LRP1: variants seen among roughly 807,000 people sequenced by gnomAD.
LRP1 encodes prolow-density lipoprotein receptor-related protein 1.
Under a neutral mutation model 541.5 loss-of-function variants are expected in LRP1, and 51 were observed. That is an observed-to-expected ratio of 0.09 (90% CI 0.08 to 0.12). The LOEUF (loss-of-function observed/expected upper bound fraction) is 0.12. Among genes scored for constraint, LRP1 ranks in the 10% least tolerant of loss-of-function variants. LRP1 has a pLI of 1.00. For synonymous variants in LRP1, 2,219 were observed against 2,470.8 expected, an observed-to-expected ratio of 0.90 and a Z score of 3.02; for missense variants, 3,878 against 6,376.2, an observed-to-expected ratio of 0.61 and a Z score of 13.34.
Position 57,173,098 on chromosome 12 carries a change from G to C in LRP1, c.3164-70G>C. Reference sequence around the variant, plus strand: ...CCAGGCTGGGCTTACCGGGGTGGCAGGGCACAGGGATGAGGAGGGCTGACC... The same window carrying C: ...CCAGGCTGGGCTTACCGGGGTGGCACGGCACAGGGATGAGGAGGGCTGACC... On this transcript the variant is annotated intron_variant, in intron 20 of 88. Transcript: ENST00000243077. The surrounding 1 kb of genome is among the most constrained non-coding windows in gnomAD (Gnocchi z 4.7). 1 of 1,343,692 alleles carries C rather than the reference G, an allele frequency of 7.4e-7. No homozygotes were observed. Among genetic ancestry groups the C allele is most frequent in the Non-Finnish European group, 1.0e-6 (1 of 981,842 alleles). The allele number at this position is 1,343,692 out of a possible 1,614,324, so 83.2% of individuals were successfully genotyped here.
At position 57,165,787 on chromosome 12, in the gene LRP1, A is replaced by T; in HGVS notation, c.2531-18A>T. On this transcript the variant is annotated intron_variant, in intron 15 of 88. Transcript: ENST00000243077. The surrounding 1 kb of genome is among the most constrained non-coding windows in gnomAD (Gnocchi z 4.5). ...CCGGGGTCTGACTTTCCCCCTCACG[A>T]TCCTGTGGTGCCCACAGCGAACCCA... 6.2e-7 allele frequency: 1 copy of T among 1,611,234 alleles called. No homozygotes were observed.
In LRP1 at chr12:57,210,057, C is replaced by G; in HGVS notation, c.12468C>G (p.Cys4156Trp). 1 of 1,612,016 alleles carries G rather than the reference C, an allele frequency of 6.2e-7. No homozygotes were observed. The highest frequency in any genetic ancestry group is 8.5e-7 in the Non-Finnish European group (1 of 1,178,970). ...EVTNPCDRKK[C>W]EWLCLLSPSG... ...CCAACCCATGTGACCGCAAGAAATG[C>G]GAGTGGCTCTGCCTGCTGAGCCCCA... Residue 4156 changes from cysteine (C) to tryptophan (W), a missense_variant, in exon 81 of 89, where the codon TGC (cysteine) becomes TGG (tryptophan). By Grantham distance (215) the Cys-to-Trp change is radical. Transcript: ENST00000243077.
intron 44 of LRP1, 93 bp from the exon 45 acceptor site, chr12:57,192,752 G>A: frequency 6.5e-6 from 10 of 1,539,168 alleles, no homozygotes; most frequent in Non-Finnish European, 8.9e-6. Flanking sequence ...AGGCTTGGGA[G>A]CTCCATGAAG....
intron 22 of LRP1, among the ~76,000 whole-genome samples, chr12:57,174,245 C>A (rs1310624533): frequency 6.6e-6 from 1 of 152,192 alleles, no homozygotes; most frequent in Non-Finnish European, 1.5e-5. Context: ...CAGATGGGAG[C>A]ACTGAGGCAT....
At chr12:57,209,636 C>T (rs1427758647) in intron 79 of LRP1, 56 bp from the exon 80 acceptor site, 11 of 1,501,192 alleles carry the variant, frequency 7.3e-6, no homozygotes, top group South Asian at 3.4e-5. Context: ...TCGTGGACAG[C>T]ATGGCCAGGG....
chr12:57,183,144 C>T lies in LRP1; in HGVS notation c.5663-235C>T, dbSNP rs2036199888. 6.6e-6 allele frequency among the ~76,000 whole-genome samples: 1 copy of T among 152,030 alleles called. No individual in the cohort carries two copies. Among genetic ancestry groups the T allele is most frequent in the Admixed American group, 6.5e-5 (1 of 15,276 alleles). On this transcript the variant is annotated intron_variant, in intron 34 of 88. Transcript: ENST00000243077. This position sits in a 1 kb window ranked among gnomAD's most constrained non-coding sequence, Gnocchi z 6.1. ...GGTGAGAAATCCGAGTCTCTGCTGCCCTCTCATGGTGGCTAGGGGTCCTGC... is the reference window on the plus strand; with the variant it reads ...GGTGAGAAATCCGAGTCTCTGCTGCTCTCTCATGGTGGCTAGGGGTCCTGC...
chr12:57,204,604 C>G lies in LRP1; in HGVS notation c.11072-23C>G. On this transcript the variant is annotated intron_variant, in intron 71 of 88. Transcript: ENST00000243077. The surrounding 1 kb of genome is among the most constrained non-coding windows in gnomAD (Gnocchi z 5.3). Reference sequence around the variant, plus strand: ...CCCACTCCCAAGACTAATTCTGGCTCTGTGTCCCCCTGGCTGCTGCAGCCC... The same window carrying G: ...CCCACTCCCAAGACTAATTCTGGCTGTGTGTCCCCCTGGCTGCTGCAGCCC... 6.2e-7 allele frequency: 1 copy of G among 1,613,060 alleles called. No individual in the cohort carries two copies. The highest frequency in any genetic ancestry group is 8.5e-7 in the Non-Finnish European group (1 of 1,179,354).
intron 58 of LRP1, 46 bp from the exon 59 acceptor site, chr12:57,198,110 T>G (rs752759644): frequency 3.7e-5 from 57 of 1,539,536 alleles, no homozygotes; most frequent in Non-Finnish European, 4.9e-5. Context: ...TTGCAGGTCC[T>G]CCCCCAGGTC....
intron 52 of LRP1, 24 bp downstream of exon 52, chr12:57,195,423 C>T (rs757802785): frequency 5.6e-6 from 9 of 1,598,958 alleles, no homozygotes; most frequent in East Asian, 4.5e-5. Context: ...CCACGTGGAG[C>T]GGGTGGACAG....
chr12:57,206,397 C>G lies in LRP1; in HGVS notation c.11591-76C>G. 1 of 1,435,740 alleles carries G rather than the reference C, an allele frequency of 7.0e-7. No individual in the cohort carries two copies. Among genetic ancestry groups the G allele is most frequent in the Non-Finnish European group, 9.7e-7 (1 of 1,034,270 alleles). 88.9% of individuals were successfully genotyped at this position (1,435,740 alleles called of 1,614,324 possible). Reference sequence around the variant, plus strand: ...TCCTACCAGGAGATGGGACAGTGTTCATGTGAAAGGAGCTGAGCTGGGTGG... The same window carrying G: ...TCCTACCAGGAGATGGGACAGTGTTGATGTGAAAGGAGCTGAGCTGGGTGG... On this transcript the variant is annotated intron_variant, in intron 75 of 88. Transcript: ENST00000243077. This position sits in a 1 kb window ranked among gnomAD's most constrained non-coding sequence, Gnocchi z 4.7.
rs543193935 is a variant in LRP1 at position 57,156,694 on chromosome 12, G to A, written c.1418-83G>A. ...AAGCACAAAGACCACAGCAGCAGGG[G>A]GTGTGGTCAGATTCAGGAAGCCTTC... On this transcript the variant is annotated intron_variant, in intron 9 of 88. Transcript: ENST00000243077. This position sits in a 1 kb window ranked among gnomAD's most constrained non-coding sequence, Gnocchi z 5.2. 74 of 1,432,792 alleles carry A rather than the reference G, an allele frequency of 5.2e-5. 1 individual carries two copies. In the African/African-American group the frequency reaches 7.8e-4, roughly 15 times the overall value. 88.8% of individuals were successfully genotyped at this position (1,432,792 alleles called of 1,614,324 possible).
In LRP1 at chr12:57,205,630, G is replaced by C. The variant is rs1464807815; in HGVS notation, c.11543G>C (p.Ser3848Thr). The C allele has an allele frequency of 6.2e-7, 1 of 1,613,518 alleles. No homozygotes were observed. The highest frequency in any genetic ancestry group is 8.5e-7 in the Non-Finnish European group (1 of 1,180,038). The change falls in exon 75 of 89, where the codon AGC becomes ACC. Residue 3848 changes from serine to threonine, a missense_variant. Ser to Thr is a moderately conservative substitution (Grantham distance 58, BLOSUM62 1). Transcript: ENST00000243077. This position sits in a 1 kb window ranked among gnomAD's most constrained non-coding sequence, Gnocchi z 4.6. Reference protein sequence around the residue: ...CNNTKGGHLCSCARNFMKTHN... With the variant: ...CNNTKGGHLCTCARNFMKTHN... Reference sequence around the variant, plus strand: ...AACACCAAGGGCGGCCACCTCTGCAGCTGCGCTCGGAACTTCATGAAGACG... The same window carrying C: ...AACACCAAGGGCGGCCACCTCTGCACCTGCGCTCGGAACTTCATGAAGACG...
chr12:57,175,929 A>G lies in LRP1; in HGVS notation c.3814A>G (p.Ile1272Val), dbSNP rs897624306. 1.2e-6 allele frequency: 2 copies of G among 1,613,992 alleles called. No individual in the cohort carries two copies. Among genetic ancestry groups the G allele is most frequent in the African/African-American group, 2.7e-5 (2 of 74,984 alleles). ...CCCAGACCCCTTCAAGCCGTTCATC[A>G]TTTTCTCCAACCGCCATGAAATCCG... Reference protein sequence around the residue: ...RSLDPFKPFIIFSNRHEIRRI... With the variant: ...RSLDPFKPFIVFSNRHEIRRI... The change falls in exon 24 of 89, where the codon ATT becomes GTT. Residue 1272 changes from isoleucine to valine, a missense_variant. Ile to Val is a conservative substitution (Grantham distance 29, BLOSUM62 3). This residue lies in a region of LRP1 where 320 missense variants were observed against 547.9 expected (regional missense o/e 0.58). Coordinates refer to ENST00000243077, the MANE Select transcript of LRP1 (RefSeq NM_002332.3).
In LRP1 at chr12:57,128,859, G is replaced by C. The variant is rs1211984147; in HGVS notation, c.-106G>C. On this transcript the variant is annotated 5_prime_UTR_variant, in exon 1 of 89. Transcript: ENST00000243077. ...GAAGGAAAGAATAAGAACAGAGAAG[G>C]AGGAGGGGGAAAGGAGGAAAAGGGG... The C allele has an allele frequency of 1.1e-6, 1 of 932,062 alleles. No individual in the cohort carries two copies. The highest frequency in any genetic ancestry group is 1.6e-6 in the Non-Finnish European group (1 of 614,656). 57.7% of individuals were successfully genotyped at this position (932,062 alleles called of 1,614,324 possible).
rs147496817 is a variant in LRP1 at position 57,185,761 on chromosome 12, C to T, written c.6694C>T (p.His2232Tyr). Reference sequence around the variant, plus strand: ...CGTGCAGCCCTTCGAGGACCCTGAGCACATGAAGAACGTCATCGCCCTGGC... The same window carrying T: ...CGTGCAGCCCTTCGAGGACCCTGAGTACATGAAGAACGTCATCGCCCTGGC... Reference protein sequence around the residue: ...APVQPFEDPEHMKNVIALAFD... With the variant: ...APVQPFEDPEYMKNVIALAFD... The change falls in exon 41 of 89, where the codon CAC becomes TAC. Residue 2232 changes from histidine to tyrosine, a missense_variant. Physicochemically the swap from His to Tyr is moderately conservative, Grantham distance 83 (BLOSUM62 2). Coordinates refer to ENST00000243077, the MANE Select transcript of LRP1 (RefSeq NM_002332.3). This position sits in a 1 kb window ranked among gnomAD's most constrained non-coding sequence, Gnocchi z 4.9. The T allele has an allele frequency of 1.2e-6, 2 of 1,614,124 alleles. No individual in the cohort carries two copies. Among genetic ancestry groups the T allele is most frequent in the African/African-American group, 2.7e-5 (2 of 74,934 alleles).
In LRP1 at chr12:57,154,547, G is replaced by A. The variant is rs1310462634; in HGVS notation, c.1073G>A (p.Arg358His). 2.5e-6 allele frequency: 4 copies of A among 1,614,194 alleles called. No individual in the cohort carries two copies. The highest frequency in any genetic ancestry group is 1.3e-5 in the African/African-American group (1 of 75,052). ...CGCTGTGACATGGATGGGCAGAACC[G>A]CACCAAGCTCGTCGACAGCAAGATT... ...VERCDMDGQNRTKLVDSKIVF... is the reference protein window; with the variant it reads ...VERCDMDGQNHTKLVDSKIVF... Residue 358 changes from arginine (R) to histidine (H), a missense_variant, in exon 8 of 89, where the codon CGC (arginine) becomes CAC (histidine). Arg to His is a conservative substitution (Grantham distance 29). This residue lies in a region of LRP1 where 496 missense variants were observed against 861.0 expected (regional missense o/e 0.58). Transcript: ENST00000243077. The surrounding 1 kb of genome is among the most constrained non-coding windows in gnomAD (Gnocchi z 4.6).
chr12:57,129,180 G>A (rs1427740279), intron 1 of LRP1, 149 bp downstream of exon 1: 2 of 836,084 alleles, frequency 2.4e-6, no homozygotes, highest in Middle Eastern at 3.5e-4. Flanking sequence ...GACTGGGGGC[G>A]GGGATGGGGT....
intron 6 of LRP1, chr12:57,146,363 C>T (rs1468099368): frequency 6.6e-6 from 1 of 152,254 alleles, no homozygotes; most frequent in Non-Finnish European, 1.5e-5. Flanking sequence ...ATTCCCATCT[C>T]TGCCTTGGTT....
intron 5 of LRP1, 23 bp downstream of exon 5, chr12:57,145,123 A>G (rs2035376183): frequency 6.2e-7 from 1 of 1,613,786 alleles, no homozygotes; most frequent in Non-Finnish European, 8.5e-7. Flanking sequence ...GCCTCTGGCC[A>G]CAGTGCTAAC....
Sources: allele counts gnomAD v4.1 joint callset (sites outside exome capture counted in the v4.1 genomes callset), GRCh38; gene constraint gnomAD v4.1.1; regional missense constraint gnomAD v4.1.1; non-coding constraint Gnocchi (gnomAD v3.1); transcripts MANE v1.5; gene names NCBI Gene and HGNC (gene_info 2026-07-23, HGNC 2026-07-21).